The following NUBPL variants were observed in gnomAD, a reference collection of about 807,000 sequenced individuals.
NUBPL encodes iron-sulfur cluster transfer protein NUBPL.
A neutral mutation model predicts 45.7 loss-of-function variants in NUBPL; 31 were observed. The ratio of observed to expected loss-of-function variants is 0.68; its 90% CI spans 0.51 to 0.92. NUBPL has a LOEUF of 0.92. Among genes scored for constraint, NUBPL ranks in the 40% least tolerant of loss-of-function variants. The pLI, the probability that NUBPL is intolerant of heterozygous loss-of-function variation, is 0.00. For missense variants in NUBPL, 401 were observed against 398.7 expected, an observed-to-expected ratio of 1.01 and a Z score of -0.05; for synonymous variants, 144 against 140.9, an observed-to-expected ratio of 1.02 and a Z score of -0.15.
intron 3 of NUBPL, among the ~76,000 whole-genome samples, chr14:31,575,962 G>A (rs1443694311): frequency 6.6e-6 from 1 of 152,138 alleles, no homozygotes; most frequent in African/African-American, 2.4e-5. Flanking sequence ...TAAGAAATGT[G>A]TTTTATATTT....
At chr14:31,795,212 C>T (rs2039460567) in intron 7 of NUBPL, among the ~76,000 whole-genome samples, 1 of 151,366 alleles carries the variant, frequency 6.6e-6, no homozygotes, top group South Asian at 2.1e-4. Flanking sequence ...CTTGGCAATG[C>T]AGGCTCTTTT....
intron 10 of NUBPL, among the ~76,000 whole-genome samples, chr14:31,853,314 C>A (rs1037964334): frequency 1.8e-4 from 28 of 152,128 alleles, no homozygotes; most frequent in African/African-American, 6.5e-4. Context: ...CTTTAGCCTC[C>A]CAAAGTGCTG....
intron 8 of NUBPL, among the ~76,000 whole-genome samples, chr14:31,834,582 T>TTTATG (rs1268185750): frequency 1.3e-5 from 2 of 152,230 alleles, no homozygotes; most frequent in African/African-American, 2.4e-5. Context: ...GATAGCATTC[T>TTTATG]GCATCTCAGC....
intron 7 of NUBPL, among the ~76,000 whole-genome samples, chr14:31,793,709 G>C (rs936635809): frequency 1.3e-5 from 2 of 151,654 alleles, no homozygotes; most frequent in Non-Finnish European, 2.9e-5. Flanking sequence ...ATTTATCATA[G>C]TATCTTTTAA....
intron 10 of NUBPL, among the ~76,000 whole-genome samples, chr14:31,854,454 G>GAATAATT (rs2040586432): frequency 6.6e-6 from 1 of 152,144 alleles, no homozygotes; most frequent in Non-Finnish European, 1.5e-5. Flanking sequence ...CCTCAGGTGG[G>GAATAATT]AACAGTGCCC....
intron 6 of NUBPL, among the ~76,000 whole-genome samples, chr14:31,702,366 G>T (rs1395686588): frequency 2.0e-5 from 3 of 152,070 alleles, no homozygotes; most frequent in Non-Finnish European, 2.9e-5. Context: ...TCATTCTTTT[G>T]TCTCCTGTCC....
intron 6 of NUBPL, among the ~76,000 whole-genome samples, chr14:31,737,388 G>C (rs2038187021): frequency 1.3e-5 from 2 of 152,156 alleles, no homozygotes; most frequent in Non-Finnish European, 2.9e-5. Context: ...AATTACAGTG[G>C]TATCTTGGTT....
At chr14:31,854,730 A>G (rs2040590464) in intron 10 of NUBPL, among the ~76,000 whole-genome samples, 1 of 152,178 alleles carries the variant, frequency 6.6e-6, no homozygotes, top group African/African-American at 2.4e-5. Context: ...ATTCTAAACC[A>G]TGGCTGTCTG....
chr14:31,611,562 A>C (rs899881886), intron 4 of NUBPL, among the ~76,000 whole-genome samples: 1 of 152,228 alleles, frequency 6.6e-6, no homozygotes, highest in Non-Finnish European at 1.5e-5. Context: ...ATGGAAATAG[A>C]AAAACAATTC....
intron 9 of NUBPL, 96 bp from the exon 10 acceptor site, chr14:31,850,023 T>C: frequency 2.3e-6 from 2 of 863,492 alleles, no homozygotes; most frequent in Non-Finnish European, 1.9e-6. Context: ...ATCAATTTAG[T>C]TCCGATTTTG....
At chr14:31,711,888 T>C (rs2037579725) in intron 6 of NUBPL, among the ~76,000 whole-genome samples, 1 of 152,028 alleles carries the variant, frequency 6.6e-6, no homozygotes. Flanking sequence ...GAGTTGTTTG[T>C]TCCTCCCGTC....
At chr14:31,610,377 T>C (rs2034719189) in intron 4 of NUBPL, among the ~76,000 whole-genome samples, 1 of 151,672 alleles carries the variant, frequency 6.6e-6, no homozygotes, top group African/African-American at 2.4e-5. Flanking sequence ...TCAATCTTCC[T>C]AAACTTAAAC....
intron 4 of NUBPL, among the ~76,000 whole-genome samples, chr14:31,661,299 C>T (rs2036262443): frequency 6.6e-6 from 1 of 152,154 alleles, no homozygotes; most frequent in Admixed American, 6.5e-5. Context: ...ATAATGGCCT[C>T]TTCAAAAAGC....
At chr14:31,665,803 T>C (rs1171934189) in intron 4 of NUBPL, among the ~76,000 whole-genome samples, 1 of 152,112 alleles carries the variant, frequency 6.6e-6, no homozygotes. Flanking sequence ...TTCTGTCTTG[T>C]TGATCTGTCT....
chr14:31,618,904 A>T lies in NUBPL; in HGVS notation c.382+19525A>T, dbSNP rs144871090. Among the ~76,000 whole-genome samples the T allele has an allele frequency of 5.3e-5, 8 of 152,264 alleles. No individual in the cohort carries two copies. The South Asian group carries it at 1.7e-3, about 32-fold the overall frequency. ...CAGTGGGGTGTTAAAGTGTCCCACT[A>T]TTATTGTGTGGGAGTCCAAGTCTCT... is the stretch of plus-strand genomic sequence containing the variant. On this transcript the variant is annotated intron_variant, in intron 4 of 10. Transcript: ENST00000281081.
chr14:31,572,347 G>A (rs1210143256), intron 3 of NUBPL, among the ~76,000 whole-genome samples: 1 of 151,930 alleles, frequency 6.6e-6, no homozygotes, highest in Non-Finnish European at 1.5e-5. Flanking sequence ...CACTGTGTTA[G>A]CCAGGATGGT....
At chr14:31,711,652 C>A (rs1465084883) in intron 6 of NUBPL, among the ~76,000 whole-genome samples, 1 of 152,100 alleles carries the variant, frequency 6.6e-6, no homozygotes, top group Non-Finnish European at 1.5e-5. Flanking sequence ...GAGTTTGGTC[C>A]TTCAGATGTT....
chr14:31,673,622 T>C (rs762334348), intron 6 of NUBPL, 48 bp downstream of exon 6: 2 of 1,485,096 alleles, frequency 1.3e-6, no homozygotes, highest in South Asian at 1.1e-5. Flanking sequence ...AAAGCTGTGG[T>C]TAATACATTT....
intron 3 of NUBPL, among the ~76,000 whole-genome samples, chr14:31,572,823 C>G (rs1470882193): frequency 1.3e-5 from 2 of 152,150 alleles, no homozygotes; most frequent in African/African-American, 4.8e-5. Context: ...TACACCTAAG[C>G]TATATGGTAT....
Sources: allele counts gnomAD v4.1 joint callset (sites outside exome capture counted in the v4.1 genomes callset), GRCh38; gene constraint gnomAD v4.1.1; transcripts MANE v1.5; gene names NCBI Gene and HGNC (gene_info 2026-07-23, HGNC 2026-07-21).